Variants in ASZ1 observed in about 807,000 individuals in gnomAD.
ASZ1 encodes the protein ankyrin repeat, SAM and basic leucine zipper domain-containing protein 1.
A neutral mutation model predicts 61.8 loss-of-function variants in ASZ1; 67 were observed. The observed-to-expected ratio is 1.08, with a 90% CI of 0.89 to 1.33. The LOEUF is 1.33. Among genes scored for constraint, ASZ1 ranks in the 40% most tolerant of loss-of-function variants. The pLI, the probability that ASZ1 is intolerant of heterozygous loss-of-function variation, is 0.00. For missense variants in ASZ1, 577 were observed against 554.5 expected (o/e 1.04, Z -0.41); for synonymous variants, 193 against 192.7 (o/e 1.00, Z -0.01).
At chr7:117,365,697 T>A (rs1795923698) in intron 12 of ASZ1, among the ~76,000 whole-genome samples, 1 of 152,194 alleles carries the variant, frequency 6.6e-6, no homozygotes, top group East Asian at 1.9e-4. Context: ...TTCCTTTGAT[T>A]CTTCTAGATG....
intron 10 of ASZ1, among the ~76,000 whole-genome samples, chr7:117,376,835 A>G (rs1157688230): frequency 3.9e-5 from 6 of 152,168 alleles, no homozygotes; most frequent in African/African-American, 1.2e-4. Flanking sequence ...CAGTTAATTA[A>G]TAGTAAAAAA....
rs887677206 is a variant in ASZ1, at chr7:117,382,995, T to C, written c.803A>G (p.His268Arg). The C allele has an allele frequency of 1.3e-6, 2 of 1,569,322 alleles. No individual in the cohort carries two copies. Among genetic ancestry groups the C allele is most frequent in the African/African-American group, 1.4e-5 (1 of 72,476 alleles). The change falls in exon 7 of 13, where the codon CAC (histidine) becomes CGC (arginine). Residue 268 changes from histidine (H) to arginine (R), a missense_variant. Physicochemically the swap from His to Arg is conservative, Grantham distance 29. Coordinates refer to ENST00000284629, the MANE Select transcript of ASZ1 (RefSeq NM_130768.3). The part of the protein sequence containing the change: ...LTTDSDREKD[H>R]IFSSYTAFGD... ...AAACATGCTATATTACCTAAAAATGTGATCTTTTTCTCTATCAGAATCTGT... is the reference window on the plus strand; with the variant it reads ...AAACATGCTATATTACCTAAAAATGCGATCTTTTTCTCTATCAGAATCTGT...
rs774265682 is a variant in ASZ1 at position 117,363,714 on chromosome 7, A to G, written c.1310T>C (p.Ile437Thr). The G allele has an allele frequency of 1.3e-6, 2 of 1,593,402 alleles. No homozygotes were observed. The highest frequency in any genetic ancestry group is 2.7e-5 in the African/African-American group (2 of 74,206). The part of the protein sequence containing the change: ...QNERENDPTH[I>T]QLREEVSTWN... ...TGTAGATACTTCTTCCCTTAATTGT[A>G]TATGAGTTGGATCATTTTCCCGTTC... The change falls in exon 13 of 13, where the codon ATA becomes ACA. Residue 437 changes from isoleucine to threonine, a missense_variant. Ile to Thr is a moderately conservative substitution (Grantham distance 89). Transcript: ENST00000284629.
At chr7:117,387,289 C>T (rs1400008161) in intron 4 of ASZ1, among the ~76,000 whole-genome samples, 1 of 150,436 alleles carries the variant, frequency 6.6e-6, no homozygotes, top group Non-Finnish European at 1.5e-5. Flanking sequence ...GCCTAGGCAA[C>T]CAGAGTGAGA....
rs1405988722 is a variant in ASZ1, at chr7:117,420,278, T to C, written c.329-4A>G. Reference sequence around the variant, plus strand: ...GTTATCAAAATACTTTGCTTATCTATAGTGAATAGAAAAGTGAGGAAAAAT... The same window carrying C: ...GTTATCAAAATACTTTGCTTATCTACAGTGAATAGAAAAGTGAGGAAAAAT... On this transcript the variant is annotated splice_polypyrimidine_tract_variant and splice_region_variant and intron_variant, in intron 3 of 12. Transcript: ENST00000284629. 5.6e-6 allele frequency: 9 copies of C among 1,605,992 alleles called. No homozygotes were observed. Among genetic ancestry groups the C allele is most frequent in the South Asian group, 2.2e-5 (2 of 90,262 alleles).
intron 6 of ASZ1, 38 bp downstream of exon 6, chr7:117,384,688 T>C (rs1339594008): frequency 1.0e-5 from 16 of 1,566,070 alleles, no homozygotes; most frequent in Non-Finnish European, 1.4e-5. Flanking sequence ...TAATGTGATA[T>C]GCCACAGAAA....
chr7:117,427,440 T>G lies in ASZ1; in HGVS notation c.21A>C (p.Arg7=). 1 of 1,613,902 alleles carries G rather than the reference T, an allele frequency of 6.2e-7. No individual in the cohort carries two copies. The highest frequency in any genetic ancestry group is 8.5e-7 in the Non-Finnish European group (1 of 1,179,938). ...CGCCTCCGCCAGCCACTGGCAGGCC[T>G]CGCAGCGCGCTCGCCGCCATGCCAG... The part of the protein sequence containing the change: MAASAL[R]GLPVAGGGES... Residue 7 remains arginine, a synonymous_variant, in exon 1 of 13, where the codon CGA becomes CGC. Transcript: ENST00000284629.
chr7:117,382,900 T>C (rs552398545), intron 7 of ASZ1, 86 bp downstream of exon 7: 16 of 1,302,204 alleles, frequency 1.2e-5, no homozygotes, highest in South Asian at 5.1e-5. Context: ...ATCATATATT[T>C]TAAATAAGTC....
rs1797227771 is a variant in ASZ1, at chr7:117,426,862, G to A, written c.179C>T (p.Ser60Leu). ...FKKAMTIGDV[S>L]LVQELLDSGI... ...AGAATCTAGGAGCTCCTGGACCAAT[G>A]AAACATCTCCGATGGTCATTGCTTT... The change falls in exon 2 of 13, where the codon TCA becomes TTA. Residue 60 changes from serine to leucine, a missense_variant. Physicochemically the swap from Ser to Leu is moderately radical, Grantham distance 145. Coordinates refer to ENST00000284629, the MANE Select transcript of ASZ1 (RefSeq NM_130768.3). 1 of 1,613,194 alleles carries A rather than the reference G, an allele frequency of 6.2e-7. No individual in the cohort carries two copies. The highest frequency in any genetic ancestry group is 8.5e-7 in the Non-Finnish European group (1 of 1,179,774).
In ASZ1 at chr7:117,381,059, A is replaced by C. The variant is rs1471253217; in HGVS notation, c.897T>G (p.Asp299Glu). 1.3e-6 allele frequency: 2 copies of C among 1,588,042 alleles called. No homozygotes were observed. Among genetic ancestry groups the C allele is most frequent in the Non-Finnish European group, 1.7e-6 (2 of 1,167,212 alleles). ...TGGTCAAAAGATGTCTTAACGTTATATCCCTTTCCTGTATAAAAGGAAAAA... is the reference window on the plus strand; with the variant it reads ...TGGTCAAAAGATGTCTTAACGTTATCTCCCTTTCCTGTATAAAAGGAAAAA... ...EHMTDLLKERDITLRHLLTMR... is the reference protein window; with the variant it reads ...EHMTDLLKEREITLRHLLTMR... The change falls in exon 9 of 13, where the codon GAT (aspartate) becomes GAG (glutamate). Residue 299 changes from aspartate (D) to glutamate (E), a missense_variant. Physicochemically the swap from Asp to Glu is conservative, Grantham distance 45 (BLOSUM62 2). Transcript: ENST00000284629.
intron 4 of ASZ1, among the ~76,000 whole-genome samples, chr7:117,418,296 A>T (rs1372690768): frequency 1.3e-5 from 2 of 152,230 alleles, no homozygotes; most frequent in Non-Finnish European, 2.9e-5. Context: ...ATTCCAAGGT[A>T]TAACCAGATC....
chr7:117,384,122 T>G (rs931064880), intron 6 of ASZ1, among the ~76,000 whole-genome samples: 11 of 152,232 alleles, frequency 7.2e-5, no homozygotes, highest in African/African-American at 2.4e-4. Context: ...TACTTGATCC[T>G]TGCTTAGAAG....
intron 4 of ASZ1, among the ~76,000 whole-genome samples, chr7:117,417,333 T>C (rs1388566016): frequency 5.9e-5 from 9 of 152,228 alleles, no homozygotes; most frequent in Non-Finnish European, 1.2e-4. Context: ...TTCTCAGCAA[T>C]GGCATTGCTC....
intron 3 of ASZ1, 131 bp from the exon 4 acceptor site, chr7:117,420,405 G>C (rs2116535692): frequency 3.6e-6 from 2 of 554,378 alleles, no homozygotes; most frequent in East Asian, 6.1e-5. Flanking sequence ...CTCACTCTTA[G>C]CAGGTAACTT....
intron 1 of ASZ1, 129 bp downstream of exon 1, chr7:117,427,227 C>A: frequency 8.9e-7 from 1 of 1,124,024 alleles, no homozygotes; most frequent in Non-Finnish European, 1.3e-6. Flanking sequence ...AGTACAAACT[C>A]CCGTATTTCC....
At chr7:117,412,478 A>G (rs1365840067) in intron 4 of ASZ1, among the ~76,000 whole-genome samples, 1 of 151,916 alleles carries the variant, frequency 6.6e-6, no homozygotes, top group Non-Finnish European at 1.5e-5. Context: ...TTTATCTACT[A>G]AACTGCTCCT....
chr7:117,368,681 A>T lies in ASZ1; in HGVS notation c.1092T>A (p.Asn364Lys). The T allele has an allele frequency of 6.2e-7, 1 of 1,612,874 alleles. No individual in the cohort carries two copies. Among genetic ancestry groups the T allele is most frequent in the Non-Finnish European group, 8.5e-7 (1 of 1,179,412 alleles). ...DEFLNFLLKL[N>K]KQCGHLITAV... The stretch of plus-strand genomic sequence containing the variant: ...CTGTTATTAAATGGCCACACTGTTT[A>T]TTTAATTTGAGAAGAAAGTTGAGGA... The change falls in exon 11 of 13, where the codon AAT becomes AAA. Residue 364 changes from asparagine to lysine, a missense_variant. Asn to Lys is a moderately conservative substitution (Grantham distance 94). Coordinates refer to ENST00000284629, the MANE Select transcript of ASZ1 (RefSeq NM_130768.3).
intron 6 of ASZ1, 102 bp downstream of exon 6, chr7:117,384,624 C>T (rs757125049): frequency 2.3e-6 from 3 of 1,314,882 alleles, no homozygotes; most frequent in Admixed American, 2.5e-5. Context: ...TTGCCAGATA[C>T]ACTATAATTA....
intron 12 of ASZ1, among the ~76,000 whole-genome samples, chr7:117,365,887 C>A (rs1005347446): frequency 1.3e-5 from 2 of 152,222 alleles, no homozygotes; most frequent in Non-Finnish European, 2.9e-5. Context: ...AAACATAGTG[C>A]TCATTTCCTC....
Sources: allele counts gnomAD v4.1 joint callset (sites outside exome capture counted in the v4.1 genomes callset), GRCh38; gene constraint gnomAD v4.1.1; transcripts MANE v1.5; gene names NCBI Gene and HGNC (gene_info 2026-07-23, HGNC 2026-07-21).